Variants in B3GALT1 observed in about 807,000 individuals in gnomAD.
B3GALT1 encodes the protein UDP-Gal:betaGlcNAc beta 1,3-galactosyltransferase, polypeptide 1.
B3GALT1 carries 10 observed loss-of-function variants against 23.2 expected under a neutral mutation model. The ratio of observed to expected loss-of-function variants is 0.43; its 90% confidence interval spans 0.27 to 0.73. B3GALT1 has a LOEUF of 0.73. Among genes scored for constraint, B3GALT1 ranks in the 30% least tolerant of loss-of-function variants. The probability of loss-of-function intolerance (pLI) is 0.21; values close to 1 mark genes in which losing one functional copy is unlikely to be tolerated. For missense variants in B3GALT1, 299 were observed against 405.4 expected (o/e 0.74, Z 2.25); for synonymous variants, 156 against 141.5 (o/e 1.10, Z -0.73).
At chr2:167,532,854 CT>C (rs1173819982) in intron 2 of B3GALT1, among the ~76,000 whole-genome samples, 1,379 of 96,462 alleles carry the variant, frequency 0.014, 1 homozygote, top group East Asian at 0.058. Flanking sequence ...TTTACTGCAT[CT>C]TTTTTTTTTT....
chr2:167,728,565 G>A (rs1252781513), intron 3 of B3GALT1, among the ~76,000 whole-genome samples: 2 of 152,168 alleles, frequency 1.3e-5, no homozygotes, highest in East Asian at 3.8e-4. Flanking sequence ...TGCTCATGCA[G>A]GCAACCTTTT....
intron 1 of B3GALT1, among the ~76,000 whole-genome samples, chr2:167,448,821 T>C (rs1417434857): frequency 6.6e-6 from 1 of 152,176 alleles, no homozygotes; most frequent in African/African-American, 2.4e-5. Context: ...ACATGTGGCT[T>C]GCCAATTATC....
intron 3 of B3GALT1, chr2:167,714,341 TC>T: frequency 6.7e-7 from 1 of 1,497,160 alleles, no homozygotes; most frequent in African/African-American, 1.4e-5. Flanking sequence ...ACAGCTTGGT[TC>T]TCCTCTTTTA....
At chr2:167,859,146 G>A (rs1207213264) in intron 4 of B3GALT1, among the ~76,000 whole-genome samples, 1 of 151,948 alleles carries the variant, frequency 6.6e-6, no homozygotes, top group Non-Finnish European at 1.5e-5. Flanking sequence ...TCCTTTCCCA[G>A]TGGAGAAGCC....
chr2:167,381,866 A>G (rs1027435694), intron 1 of B3GALT1, among the ~76,000 whole-genome samples: 10 of 152,208 alleles, frequency 6.6e-5, no homozygotes, highest in African/African-American at 1.4e-4. Flanking sequence ...TTAATGACCT[A>G]TTTACCTACA....
chr2:167,674,090 T>A (rs1465914243), intron 3 of B3GALT1, among the ~76,000 whole-genome samples: 1 of 152,132 alleles, frequency 6.6e-6, no homozygotes, highest in Non-Finnish European at 1.5e-5. Flanking sequence ...AGGATCTACA[T>A]GAACTAGTAG....
At chr2:167,443,324 G>C (rs1698925354) in intron 1 of B3GALT1, among the ~76,000 whole-genome samples, 1 of 152,162 alleles carries the variant, frequency 6.6e-6, no homozygotes, top group Non-Finnish European at 1.5e-5. Flanking sequence ...CTCCAGCTTT[G>C]TTCTTTTGGC....
At chr2:167,356,758 T>C (rs1318259613) in intron 1 of B3GALT1, among the ~76,000 whole-genome samples, 1 of 151,896 alleles carries the variant, frequency 6.6e-6, no homozygotes, top group African/African-American at 2.4e-5. Context: ...TACATATATG[T>C]ACACACACAT....
chr2:167,392,144 A>G (rs1698022538), intron 1 of B3GALT1, among the ~76,000 whole-genome samples: 1 of 151,728 alleles, frequency 6.6e-6, no homozygotes, highest in African/African-American at 2.4e-5. Flanking sequence ...CTTGAGTCCT[A>G]CGAGTAAACT....
At chr2:167,512,602 A>ACG (rs1700034731) in intron 2 of B3GALT1, among the ~76,000 whole-genome samples, 1 of 103,782 alleles carries the variant, frequency 9.6e-6, no homozygotes, top group South Asian at 3.3e-4. Context: ...GTGTATATAT[A>ACG]TATATGTATA....
At chr2:167,443,094 G>A (rs980532047) in intron 1 of B3GALT1, among the ~76,000 whole-genome samples, 47 of 151,728 alleles carry the variant, frequency 3.1e-4, no homozygotes, top group Non-Finnish European at 5.9e-4. Flanking sequence ...TCTACATATG[G>A]CTAGCCAGTT....
At chr2:167,501,197 ACT>A (rs752610750) in intron 2 of B3GALT1, among the ~76,000 whole-genome samples, 2 of 152,068 alleles carry the variant, frequency 1.3e-5, no homozygotes, top group Non-Finnish European at 2.9e-5. Context: ...AATCCAGAAA[ACT>A]CTTTAAAGTG....
chr2:167,658,396 T>C (rs1685993773), intron 3 of B3GALT1, among the ~76,000 whole-genome samples: 1 of 152,078 alleles, frequency 6.6e-6, no homozygotes, highest in South Asian at 2.1e-4. Context: ...ATGAAGTTTT[T>C]AGAAAATTAA....
intron 3 of B3GALT1, among the ~76,000 whole-genome samples, chr2:167,717,666 A>C (rs1365792267): frequency 6.6e-6 from 1 of 152,184 alleles, no homozygotes; most frequent in Admixed American, 6.5e-5. Context: ...TTTACAGATA[A>C]GATTTATTCC....
At chr2:167,743,544 A>G (rs1168758155) in intron 3 of B3GALT1, among the ~76,000 whole-genome samples, 1 of 151,798 alleles carries the variant, frequency 6.6e-6, no homozygotes, top group Non-Finnish European at 1.5e-5. Context: ...TCTTTTGCCC[A>G]TTTTTCCATT....
chr2:167,603,267 A>T (rs1684905814), intron 2 of B3GALT1, among the ~76,000 whole-genome samples: 1 of 152,176 alleles, frequency 6.6e-6, no homozygotes, highest in African/African-American at 2.4e-5. Flanking sequence ...AATTAGAGCC[A>T]CAGAATGATG....
intron 3 of B3GALT1, among the ~76,000 whole-genome samples, chr2:167,673,761 TTTAG>T (rs1304338673): frequency 3.3e-5 from 5 of 152,096 alleles, no homozygotes; most frequent in African/African-American, 1.2e-4. Context: ...TTCAGAATTA[TTTAG>T]TTAGATATTT....
At chr2:167,818,008 A>T (rs973513179) in intron 3 of B3GALT1, among the ~76,000 whole-genome samples, 2 of 152,114 alleles carry the variant, frequency 1.3e-5, no homozygotes, top group Non-Finnish European at 2.9e-5. Context: ...AATGAACCAA[A>T]TGTCTTTGCC....
chr2:167,486,176 T>G (rs551973188), intron 1 of B3GALT1, among the ~76,000 whole-genome samples: 36 of 152,044 alleles, frequency 2.4e-4, no homozygotes, highest in African/African-American at 8.4e-4. Context: ...CTGGCCAACA[T>G]GGTGAAACCC....
Sources: gnomAD v4.1 joint callset for allele counts (sites outside exome capture counted in the v4.1 genomes callset) on GRCh38, gnomAD v4.1.1 for gene constraint, MANE v1.5 for transcripts, NCBI Gene and HGNC (gene_info 2026-07-23, HGNC 2026-07-21) for gene names.